The following NTN4 variants were observed in gnomAD, a reference collection of about 807,000 sequenced individuals.
NTN4 encodes the protein netrin-4.
A neutral mutation model predicts 73.6 loss-of-function variants in NTN4; 32 were observed. The observed-to-expected ratio is 0.44, with a 90% CI of 0.33 to 0.58. The LOEUF (loss-of-function observed/expected upper bound fraction) is 0.58. Ranked by LOEUF, NTN4 falls within the 20% of genes least tolerant of loss-of-function variation. The pLI is 0.04. For missense variants in NTN4, 654 were observed against 798.3 expected, an observed-to-expected ratio of 0.82 and a Z score of 2.18; for synonymous variants, 258 against 287.5, an observed-to-expected ratio of 0.90 and a Z score of 1.04.
At position 95,670,101 on chromosome 12, in the gene NTN4, A is replaced by G. The variant is rs760285857; in HGVS notation, c.1556T>C (p.Phe519Ser). 3 of 1,595,094 alleles carry G rather than the reference A, an allele frequency of 1.9e-6. No homozygotes were observed. Among genetic ancestry groups the G allele is most frequent in the Non-Finnish European group, 2.6e-6 (3 of 1,169,268 alleles). Reference sequence around the variant, plus strand: ...ACCATATGAATATTTCATTCCACAGAATGCCTTGGCATTTCCTAATGTCTG... The same window carrying G: ...ACCATATGAATATTTCATTCCACAGGATGCCTTGGCATTTCCTAATGTCTG... ...KEQTLGNAKA[F>S]CGMKYSYVLK... The change falls in exon 8 of 10, where the codon TTC becomes TCC. Residue 519 changes from phenylalanine (F) to serine (S), a missense_variant. Phe to Ser is a radical substitution (Grantham distance 155). Transcript: ENST00000343702.
intron 2 of NTN4, among the ~76,000 whole-genome samples, chr12:95,769,542 T>G: frequency 9.6e-6 from 1 of 104,446 alleles, no homozygotes; most frequent in African/African-American, 3.6e-5. Context: ...GGAAGAAGAT[T>G]TATAGACCAA....
intron 2 of NTN4, among the ~76,000 whole-genome samples, chr12:95,757,350 TG>T (rs1246456775): frequency 6.6e-6 from 1 of 152,226 alleles, no homozygotes; most frequent in Non-Finnish European, 1.5e-5. Context: ...AGCTAGTAAG[TG>T]GCAGAGCCAG....
chr12:95,761,511 T>G (rs1301460026), intron 2 of NTN4, among the ~76,000 whole-genome samples: 4 of 151,914 alleles, frequency 2.6e-5, no homozygotes, highest in African/African-American at 9.7e-5. Context: ...TTTTGTATTT[T>G]TAGTAGAGAT....
intron 3 of NTN4, among the ~76,000 whole-genome samples, chr12:95,716,563 A>G (rs1307581251): frequency 6.6e-6 from 1 of 151,982 alleles, no homozygotes; most frequent in Admixed American, 6.6e-5. Context: ...TTTTAAAAAT[A>G]TTATTTCTAT....
intron 7 of NTN4, among the ~76,000 whole-genome samples, chr12:95,674,924 C>G (rs2078261454): frequency 6.6e-6 from 1 of 152,174 alleles, no homozygotes; most frequent in Admixed American, 6.5e-5. Flanking sequence ...ATGCTGCCAA[C>G]TCTCTAATAA....
At chr12:95,713,123 T>C in intron 4 of NTN4, 89 bp downstream of exon 4, 1 of 1,474,738 alleles carries the variant, frequency 6.8e-7, no homozygotes, top group Non-Finnish European at 9.3e-7. Context: ...ACCCACCACT[T>C]TGTGTTGTAT....
chr12:95,687,517 C>T (rs2078371050), intron 5 of NTN4, among the ~76,000 whole-genome samples: 1 of 151,810 alleles, frequency 6.6e-6, no homozygotes, highest in Admixed American at 6.6e-5. Flanking sequence ...TCTCCTGCCT[C>T]AGCCTCCCAA....
chr12:95,708,357 G>A (rs967483861), intron 5 of NTN4, among the ~76,000 whole-genome samples: 5 of 150,440 alleles, frequency 3.3e-5, no homozygotes, highest in African/African-American at 1.2e-4. Context: ...GCATGATCTC[G>A]GCTCACTGCA....
chr12:95,787,231 G>A lies in NTN4; in HGVS notation c.293C>T (p.Ser98Phe), dbSNP rs145923524. Residue 98 changes from serine to phenylalanine, a missense_variant, in exon 2 of 10, where the codon TCC becomes TTC. Transcript: ENST00000343702. Reference sequence around the variant, plus strand: ...CCACCATGTGCGAGGAAACCGGAAGGATGAGTCTGCCATGGCAGATGGCAG... The same window carrying A: ...CCACCATGTGCGAGGAAACCGGAAGAATGAGTCTGCCATGGCAGATGGCAG... ...AHLPSAMADS[S>F]FRFPRTWWQS... 40 of 1,614,084 alleles carry A rather than the reference G, an allele frequency of 2.5e-5. No individual in the cohort carries two copies. In the Admixed American group the frequency reaches 2.5e-4, roughly 10 times the overall value.
chr12:95,666,633 A>G (rs2078182855), intron 8 of NTN4, among the ~76,000 whole-genome samples: 2 of 152,202 alleles, frequency 1.3e-5, no homozygotes, highest in African/African-American at 4.8e-5. Flanking sequence ...AAACAGAGAG[A>G]GGAAACATAG....
chr12:95,733,729 T>C (rs1398800463), intron 3 of NTN4, among the ~76,000 whole-genome samples: 1 of 151,762 alleles, frequency 6.6e-6, no homozygotes, highest in Admixed American at 6.6e-5. Flanking sequence ...GTGGAATGGA[T>C]CTGGGGAGAA....
chr12:95,666,755 G>A (rs1386185724), intron 8 of NTN4, among the ~76,000 whole-genome samples: 1 of 152,148 alleles, frequency 6.6e-6, no homozygotes, highest in Non-Finnish European at 1.5e-5. Flanking sequence ...AATATATTTT[G>A]CATATTCCAA....
chr12:95,788,127 T>C (rs940403468), intron 1 of NTN4, among the ~76,000 whole-genome samples: 1 of 152,334 alleles, frequency 6.6e-6, no homozygotes, highest in South Asian at 2.1e-4. Context: ...AGATGTGCAC[T>C]ATCAGTTTCT....
intron 2 of NTN4, among the ~76,000 whole-genome samples, chr12:95,763,105 T>C (rs1009219478): frequency 6.6e-6 from 1 of 152,322 alleles, no homozygotes; most frequent in Non-Finnish European, 1.5e-5. Flanking sequence ...ACTTTACTTA[T>C]TGAGGAAATG....
intron 2 of NTN4, among the ~76,000 whole-genome samples, chr12:95,758,172 G>T (rs1007579973): frequency 2.0e-5 from 3 of 152,196 alleles, no homozygotes; most frequent in Admixed American, 2.0e-4. Flanking sequence ...TAAAGTTGTT[G>T]TACTATTTTG....
chr12:95,777,035 C>T (rs902303982), intron 2 of NTN4, among the ~76,000 whole-genome samples: 1 of 152,080 alleles, frequency 6.6e-6, no homozygotes, highest in South Asian at 2.1e-4. Context: ...GAATTTTCAA[C>T]CTAGAATTTC....
intron 2 of NTN4, among the ~76,000 whole-genome samples, chr12:95,767,378 C>A (rs2079027433): frequency 8.8e-6 from 1 of 114,056 alleles, no homozygotes. Context: ...AGAAATTTCT[C>A]ACAAAAAAAA....
Position 95,712,043 on chromosome 12 carries a change from T to C in NTN4, c.991+1169A>G, listed in dbSNP as rs549292320. Reference sequence around the variant, plus strand: ...CCTAGAAACAAAAACAAATCAGTTATGACTCCAAATTACGTATGGGAAGAG... The same window carrying C: ...CCTAGAAACAAAAACAAATCAGTTACGACTCCAAATTACGTATGGGAAGAG... On this transcript the variant is annotated intron_variant, in intron 4 of 9. Coordinates refer to ENST00000343702, the MANE Select transcript of NTN4 (RefSeq NM_021229.4). 1.6e-4 allele frequency among the ~76,000 whole-genome samples: 24 copies of C among 152,358 alleles called. No individual in the cohort carries two copies. In the East Asian group the frequency reaches 4.4e-3, roughly 28 times the overall value.
intron 3 of NTN4, among the ~76,000 whole-genome samples, chr12:95,716,347 A>C (rs1177600747): frequency 1.3e-5 from 2 of 152,182 alleles, no homozygotes; most frequent in East Asian, 3.8e-4. Context: ...AGAATATAAA[A>C]ACCCTAAAGG....
Sources: gnomAD v4.1 joint callset for allele counts (sites outside exome capture counted in the v4.1 genomes callset) on GRCh38, gnomAD v4.1.1 for gene constraint, MANE v1.5 for transcripts, NCBI Gene and HGNC (gene_info 2026-07-23, HGNC 2026-07-21) for gene names.